Variants in MORC1 observed in about 807,000 individuals in gnomAD.
MORC1 encodes MORC family CW-type zinc finger protein 1.
MORC1 carries 59 observed loss-of-function variants against 134.9 expected under a neutral mutation model. The ratio of observed to expected loss-of-function variants is 0.44; its 90% CI spans 0.35 to 0.54. The LOEUF is 0.54. MORC1 is among the 20% of genes least tolerant of loss of function. MORC1 has a pLI of 0.00. For missense variants in MORC1, 947 were observed against 1,134.5 expected, an observed-to-expected ratio of 0.83 and a Z score of 2.37; for synonymous variants, 395 against 391.7, an observed-to-expected ratio of 1.01 and a Z score of -0.10.
intron 14 of MORC1, among the ~76,000 whole-genome samples, chr3:109,040,829 C>CAAAAAA (rs59122147): frequency 1.1e-3 from 123 of 108,452 alleles, no homozygotes; most frequent in South Asian, 1.7e-3. Context: ...AACTCTGTGT[C>CAAAAAA]AAAAAAAAAA....
chr3:109,086,605 G>A (rs1950620864), intron 8 of MORC1, among the ~76,000 whole-genome samples: 1 of 151,948 alleles, frequency 6.6e-6, no homozygotes, highest in African/African-American at 2.4e-5. Context: ...GTATTTCTGA[G>A]AATCAACAGT....
intron 23 of MORC1, among the ~76,000 whole-genome samples, chr3:108,981,703 G>A (rs1325908155): frequency 2.0e-5 from 3 of 152,088 alleles, no homozygotes; most frequent in Non-Finnish European, 4.4e-5. Flanking sequence ...TAGTGTAAGT[G>A]GTCAGTAAAT....
At chr3:109,044,018 A>C (rs569368391) in intron 14 of MORC1, among the ~76,000 whole-genome samples, 5 of 152,348 alleles carry the variant, frequency 3.3e-5, no homozygotes, top group Non-Finnish European at 5.9e-5. Flanking sequence ...GAAAGCACAC[A>C]GCTAATTTTC....
intron 14 of MORC1, among the ~76,000 whole-genome samples, chr3:109,045,637 A>C (rs2107647178): frequency 6.6e-6 from 1 of 152,278 alleles, no homozygotes; most frequent in East Asian, 1.9e-4. Flanking sequence ...AAGTGAAAAA[A>C]AGCAAGACAA....
At chr3:108,972,287 T>C (rs990173045) in intron 24 of MORC1, among the ~76,000 whole-genome samples, 7 of 152,208 alleles carry the variant, frequency 4.6e-5, no homozygotes, top group Non-Finnish European at 7.4e-5. Flanking sequence ...TTAAAGTGTA[T>C]AGTATTCTAA....
intron 14 of MORC1, 151 bp downstream of exon 14, chr3:109,054,577 C>G (rs939483438): frequency 1.6e-6 from 1 of 616,586 alleles, no homozygotes; most frequent in Non-Finnish European, 2.5e-6. Flanking sequence ...CTGAAATGGG[C>G]TCCCTTCTCA....
At chr3:108,967,686 T>C (rs1947260363) in intron 26 of MORC1, among the ~76,000 whole-genome samples, 1 of 152,180 alleles carries the variant, frequency 6.6e-6, no homozygotes, top group African/African-American at 2.4e-5. Context: ...TATTCAAGTC[T>C]GGATGAGACT....
intron 21 of MORC1, among the ~76,000 whole-genome samples, chr3:108,997,009 CAAAAAAAAAAAA>C (rs36087713): frequency 1.9e-4 from 6 of 31,544 alleles, no homozygotes; most frequent in Admixed American, 5.6e-4. Flanking sequence ...GACTCTGTCT[CAAAAAAAAAAAA>C]AAAAAAAAAA....
At chr3:108,973,432 G>A (rs1423090047) in intron 24 of MORC1, among the ~76,000 whole-genome samples, 1 of 152,106 alleles carries the variant, frequency 6.6e-6, no homozygotes, top group Non-Finnish European at 1.5e-5. Flanking sequence ...AGTTAGCCAG[G>A]TGTAGCAGAT....
chr3:109,063,056 C>A, intron 10 of MORC1, 96 bp downstream of exon 10: 1 of 841,926 alleles, frequency 1.2e-6, no homozygotes, highest in South Asian at 2.1e-5. Context: ...GTAGCTCCTA[C>A]AATGCCTAGA....
intron 15 of MORC1, among the ~76,000 whole-genome samples, chr3:109,033,256 T>TGAAA (rs904603284): frequency 8.2e-6 from 1 of 122,190 alleles, no homozygotes; most frequent in Non-Finnish European, 1.7e-5. Flanking sequence ...AAAATTAAAC[T>TGAAA]GAAAGAAAGA....
intron 24 of MORC1, among the ~76,000 whole-genome samples, chr3:108,977,592 T>C (rs1398349477): frequency 6.6e-6 from 1 of 152,178 alleles, no homozygotes; most frequent in Non-Finnish European, 1.5e-5. Flanking sequence ...GTCATATCTA[T>C]ACATTTTTAA....
chr3:109,018,674 G>T (rs187774293), intron 17 of MORC1, among the ~76,000 whole-genome samples: 4 of 152,224 alleles, frequency 2.6e-5, no homozygotes, highest in African/African-American at 9.6e-5. Flanking sequence ...ATTGCTCCAG[G>T]GGTAAAAACC....
At chr3:109,044,275 T>TG (rs1231685343) in intron 14 of MORC1, among the ~76,000 whole-genome samples, 11 of 151,344 alleles carry the variant, frequency 7.3e-5, no homozygotes, top group Non-Finnish European at 2.9e-5. Flanking sequence ...ACCAAGCACC[T>TG]GGGGAAAAAA....
intron 14 of MORC1, among the ~76,000 whole-genome samples, chr3:109,051,518 G>C (rs899707040): frequency 3.3e-5 from 5 of 152,064 alleles, no homozygotes; most frequent in Non-Finnish European, 7.4e-5. Context: ...GTTTGATAAT[G>C]AAGTTTGAGG....
intron 17 of MORC1, among the ~76,000 whole-genome samples, chr3:109,014,487 C>G (rs1250646573): frequency 6.6e-6 from 1 of 152,188 alleles, no homozygotes. Context: ...CTTGTGGGAG[C>G]TTATTACACC....
chr3:109,044,815 G>C (rs908044725), intron 14 of MORC1, among the ~76,000 whole-genome samples: 7 of 149,068 alleles, frequency 4.7e-5, no homozygotes, highest in Non-Finnish European at 8.9e-5. Context: ...TGTGGTGGCG[G>C]GCATCTGTAA....
At chr3:108,999,506 A>G (rs376493119) in intron 21 of MORC1, among the ~76,000 whole-genome samples, 1 of 152,222 alleles carries the variant, frequency 6.6e-6, no homozygotes, top group Non-Finnish European at 1.5e-5. Flanking sequence ...CCTTGTGACA[A>G]TAACTTTCTG....
chr3:108,970,225 C>T (rs746963854), intron 25 of MORC1, among the ~76,000 whole-genome samples: 11 of 151,398 alleles, frequency 7.3e-5, no homozygotes, highest in South Asian at 4.2e-4. Context: ...ATTGAGAAAC[C>T]GTGTACAACA....
Sources: gnomAD v4.1 joint callset for allele counts (sites outside exome capture counted in the v4.1 genomes callset) on GRCh38, gnomAD v4.1.1 for gene constraint, MANE v1.5 for transcripts, NCBI Gene and HGNC (gene_info 2026-07-23, HGNC 2026-07-21) for gene names.